Variants in SPEG observed in about 807,000 individuals in gnomAD.
The protein encoded by SPEG is striated muscle enriched protein kinase.
Under a neutral mutation model 300.4 loss-of-function variants are expected in SPEG, and 114 were observed. The observed-to-expected ratio is 0.38, with a 90% CI of 0.33 to 0.44. SPEG has a LOEUF of 0.44. SPEG is among the 20% of genes least tolerant of loss of function. SPEG has a pLI of 1.00. For missense variants in SPEG, 4,201 were observed against 4,586.2 expected, an observed-to-expected ratio of 0.92 and a Z score of 2.43; for synonymous variants, 1,964 against 2,018.9, an observed-to-expected ratio of 0.97 and a Z score of 0.73.
rs2125493994 is a variant in SPEG at position 219,473,259 on chromosome 2, A to T, written c.4147+163A>T. Reference sequence around the variant, plus strand: ...CTGTACACTTCCTTCTCCCTCCTGAAAGCAGCAGGGCACGGTGGCTGAAGC... The same window carrying T: ...CTGTACACTTCCTTCTCCCTCCTGATAGCAGCAGGGCACGGTGGCTGAAGC... On this transcript the variant is annotated intron_variant, in intron 16 of 40. Coordinates refer to ENST00000312358, the MANE Select transcript of SPEG (RefSeq NM_005876.5). The surrounding 1 kb of genome is among the most constrained non-coding windows in gnomAD (Gnocchi z 4.6). The T allele has an allele frequency of 2.5e-6, 2 of 786,150 alleles. No homozygotes were observed. The allele number at this position is 786,150 out of a possible 1,614,324, so 48.7% of individuals were successfully genotyped here.
chr2:219,468,794 G>C (rs955992122), intron 11 of SPEG, 58 bp downstream of exon 11: 3 of 1,608,934 alleles, frequency 1.9e-6, no homozygotes, highest in Non-Finnish European at 2.5e-6. Flanking sequence ...GCGGCGATGG[G>C]GTGCACCCAG....
Position 219,449,223 on chromosome 2 carries a change from C to T in SPEG, c.2065C>T (p.Arg689Cys), listed in dbSNP as rs538506677. The change falls in exon 4 of 41, where the codon CGC (arginine) becomes TGC (cysteine). Residue 689 changes from arginine to cysteine, a missense_variant. Physicochemically the swap from Arg to Cys is radical, Grantham distance 180. Around this residue, in one of 4 missense-constraint regions of SPEG, gnomAD observed 1,258 missense variants for 1,293.9 expected, o/e 0.97. Coordinates refer to ENST00000312358, the MANE Select transcript of SPEG (RefSeq NM_005876.5). The stretch of plus-strand genomic sequence containing the variant: ...GGGGCCCTGGGACCGCCGAGGGGCC[C>T]GCAGCCAGGGCAAAGGTCGCCGGGC... ...PWGPWDRRGA[R>C]SQGKGRRARP... The T allele has an allele frequency of 2.6e-4, 360 of 1,392,432 alleles. 6 individuals carry two copies. The South Asian group carries it at 5.4e-3, about 21-fold the overall frequency. 86.3% of individuals were successfully genotyped at this position (1,392,432 alleles called of 1,614,324 possible). A position where few individuals can be genotyped will look rare whatever the true frequency, so the allele number is the denominator to read the frequency against.
chr2:219,436,827 G>T (rs1954732298), intron 1 of SPEG, among the ~76,000 whole-genome samples: 1 of 152,240 alleles, frequency 6.6e-6, no homozygotes, highest in East Asian at 1.9e-4. Flanking sequence ...GCTGGGGAAG[G>T]TGTGGACTCC....
Position 219,489,650 on chromosome 2 carries a change from G to A in SPEG, c.8632G>A (p.Asp2878Asn). 6.2e-7 allele frequency: 1 copy of A among 1,613,964 alleles called. No individual in the cohort carries two copies. Among genetic ancestry groups the A allele is most frequent in the Non-Finnish European group, 8.5e-7 (1 of 1,180,012 alleles). The change falls in exon 36 of 41, where the codon GAC becomes AAC. Residue 2878 changes from aspartate (D) to asparagine (N), a missense_variant. Physicochemically the swap from Asp to Asn is conservative, Grantham distance 23 (BLOSUM62 1). Around this residue, in one of 4 missense-constraint regions of SPEG, gnomAD observed 1,578 missense variants for 1,506.0 expected, o/e 1.05. Transcript: ENST00000312358. ...TPSEPKPFVL[D>N]TGTPIPASTP... ...AAGTGAGCCCAAGCCTTTCGTCCTT[G>A]ACACTGGGACCCCGATCCCAGCCTC...
Position 219,443,350 on chromosome 2 carries a change from G to A in SPEG, c.389-1303G>A, listed in dbSNP as rs914904301. The stretch of plus-strand genomic sequence containing the variant: ...GAGAGGACCCAGCAGAAGGGAGGGC[G>A]GCTCACTAGCACACCCCTGCATGGA... On this transcript the variant is annotated intron_variant, in intron 1 of 40. Coordinates refer to ENST00000312358, the MANE Select transcript of SPEG (RefSeq NM_005876.5). The surrounding 1 kb of genome is among the most constrained non-coding windows in gnomAD (Gnocchi z 4.6). The A allele has an allele frequency of 2.2e-5, 14 of 649,846 alleles. No individual in the cohort carries two copies. The highest frequency in any genetic ancestry group is 3.4e-5 in the Non-Finnish European group (12 of 354,148). 40.3% of individuals were successfully genotyped at this position (649,846 alleles called of 1,614,324 possible).
chr2:219,448,160 G>A lies in SPEG; in HGVS notation c.1002G>A (p.Ser334=). ...CCCAGCCCGCGGCCACCCCCACGTCGCCCCACCGTCGCACTCAGGAGCCTG... is the reference window on the plus strand; with the variant it reads ...CCCAGCCCGCGGCCACCCCCACGTCACCCCACCGTCGCACTCAGGAGCCTG... ...PPAQPAATPT[S]PHRRTQEPVL... is the part of the protein sequence containing the mutation. The change falls in exon 4 of 41, where the codon TCG becomes TCA. Residue 334 remains serine (S), a synonymous_variant. Coordinates refer to ENST00000312358, the MANE Select transcript of SPEG (RefSeq NM_005876.5). The A allele has an allele frequency of 6.2e-7, 1 of 1,610,388 alleles. No homozygotes were observed. The highest frequency in any genetic ancestry group is 8.5e-7 in the Non-Finnish European group (1 of 1,178,640).
At position 219,489,835 on chromosome 2, in the gene SPEG, CAGCTCCCCTGGG is replaced by C; in HGVS notation, c.8821_8832del (p.Gly2943_Pro2946del). 1 of 1,613,466 alleles carries C rather than the reference CAGCTCCCCTGGG, an allele frequency of 6.2e-7. No homozygotes were observed. ...GCCTCAGCCCGGCCAAGGAGGTGGTCAGCTCCCCTGGGAGCAGTCCCCGAAGCTCTCCCAGGC... is the reference window on the plus strand; with the variant it reads ...GCCTCAGCCCGGCCAAGGAGGTGGTCAGCAGTCCCCGAAGCTCTCCCAGGC... On this transcript the variant is annotated inframe_deletion, in exon 36 of 41. Transcript: ENST00000312358.
Position 219,444,630 on chromosome 2 carries a change from C to T in SPEG, c.389-23C>T, listed in dbSNP as rs766026597. 1.2e-6 allele frequency: 2 copies of T among 1,600,172 alleles called. No individual in the cohort carries two copies. Among genetic ancestry groups the T allele is most frequent in the East Asian group, 4.5e-5 (2 of 44,766 alleles). On this transcript the variant is annotated intron_variant, in intron 1 of 40. Transcript: ENST00000312358. This position sits in a 1 kb window ranked among gnomAD's most constrained non-coding sequence, Gnocchi z 7.8. ...GAGGCAGAGGGAGGAGGGCCCTGCCCACACAGACCCCTTCTTCTCCAGACT... is the reference window on the plus strand; with the variant it reads ...GAGGCAGAGGGAGGAGGGCCCTGCCTACACAGACCCCTTCTTCTCCAGACT...
rs959380074 is a variant in SPEG at position 219,462,458 on chromosome 2, G to A, written c.2705+72G>A. On this transcript the variant is annotated intron_variant, in intron 8 of 40. Transcript: ENST00000312358. ...CCTGGCTCTGGGAGGTCTGGCTTTG[G>A]GTGGAAGGAAATGGAATCTTGGTGG... 2.2e-5 allele frequency: 28 copies of A among 1,296,080 alleles called. No homozygotes were observed. The African/African-American group carries it at 3.8e-4, about 18-fold the overall frequency. 80.3% of individuals were successfully genotyped at this position (1,296,080 alleles called of 1,614,324 possible).
At chr2:219,465,897 A>C (rs375062424) in intron 9 of SPEG, 1 of 633,540 alleles carries the variant, frequency 1.6e-6, no homozygotes, top group Non-Finnish European at 2.8e-6. Context: ...ATGTGTGCGT[A>C]TGGGTGTGTG....
At position 219,443,772 on chromosome 2, in the gene SPEG, G is replaced by A. The variant is rs1689086753; in HGVS notation, c.389-881G>A. 2.8e-6 allele frequency: 1 copy of A among 363,206 alleles called. No individual in the cohort carries two copies. The highest frequency in any genetic ancestry group is 3.5e-5 in the Admixed American group (1 of 28,758). 22.5% of individuals were successfully genotyped at this position (363,206 alleles called of 1,614,324 possible). On this transcript the variant is annotated intron_variant, in intron 1 of 40. Coordinates refer to ENST00000312358, the MANE Select transcript of SPEG (RefSeq NM_005876.5). The surrounding 1 kb of genome is among the most constrained non-coding windows in gnomAD (Gnocchi z 4.6). ...TGTGTGTGTGTGTGTGCATGTGTGT[G>A]TGTGGCCAGTGGCAGCACCAGTAAG... is the stretch of plus-strand genomic sequence containing the variant.
chr2:219,472,018 C>A (rs779807392), intron 14 of SPEG, 31 bp downstream of exon 14: 2 of 1,606,410 alleles, frequency 1.2e-6, no homozygotes, highest in East Asian at 2.2e-5. Flanking sequence ...GTCAGCTGCA[C>A]GCACAGCCTG....
chr2:219,467,473 C>T, intron 10 of SPEG, 39 bp downstream of exon 10: 1 of 1,571,304 alleles, frequency 6.4e-7, no homozygotes, highest in Non-Finnish European at 8.6e-7. Context: ...CGTGGGTGCC[C>T]AAGAGCTGGA....
Position 219,444,086 on chromosome 2 carries a change from C to A in SPEG, c.389-567C>A, listed in dbSNP as rs755722789. The A allele has an allele frequency of 7.4e-7, 1 of 1,356,820 alleles. No homozygotes were observed. Among genetic ancestry groups the A allele is most frequent in the Non-Finnish European group, 9.8e-7 (1 of 1,016,920 alleles). The allele number at this position is 1,356,820 out of a possible 1,614,324, so 84.0% of individuals were successfully genotyped here. ...TAGGAAACTGGCTCCTGCTCTAGCC[C>A]CCCGCATCCCCCCCTTTCCCACCCG... On this transcript the variant is annotated intron_variant, in intron 1 of 40. Transcript: ENST00000312358. This position sits in a 1 kb window ranked among gnomAD's most constrained non-coding sequence, Gnocchi z 7.8.
In SPEG at chr2:219,485,605, CAACTAT is replaced by C. The variant is rs1265034365; in HGVS notation, c.7741+132_7741+137del. 60 of 868,864 alleles carry C rather than the reference CAACTAT, an allele frequency of 6.9e-5. 1 individual carries two copies. The East Asian group carries it at 1.7e-3, about 25-fold the overall frequency. 53.8% of individuals were successfully genotyped at this position (868,864 alleles called of 1,614,324 possible). A position where few individuals can be genotyped will look rare whatever the true frequency, so the allele number is the denominator to read the frequency against. The stretch of plus-strand genomic sequence containing the variant: ...ACCTAGTGGAAGGGGTCTGCTCAGA[CAACTAT>C]AACAATAGCAGTAGCTGACATTCAT... On this transcript the variant is annotated intron_variant, in intron 31 of 40. Coordinates refer to ENST00000312358, the MANE Select transcript of SPEG (RefSeq NM_005876.5).
intron 3 of SPEG, among the ~76,000 whole-genome samples, chr2:219,447,217 G>T (rs928257173): frequency 7.3e-5 from 11 of 151,722 alleles, no homozygotes; most frequent in Non-Finnish European, 1.5e-4. Context: ...TCCCTGTGGG[G>T]GGGGGCCTTC....
chr2:219,481,658 C>T lies in SPEG; in HGVS notation c.5543C>T (p.Thr1848Ile), dbSNP rs1434770179. The change falls in exon 28 of 41, where the codon ACC (threonine) becomes ATC (isoleucine). Residue 1848 changes from threonine to isoleucine, a missense_variant. Around this residue, in one of 4 missense-constraint regions of SPEG, gnomAD observed 1,047 missense variants for 1,356.8 expected, o/e 0.77. Coordinates refer to ENST00000312358, the MANE Select transcript of SPEG (RefSeq NM_005876.5). The surrounding 1 kb of genome is among the most constrained non-coding windows in gnomAD (Gnocchi z 5.4). ...CACAGGAGACCTACCGCAGAAGAGA[C>T]CCTAGAACATCCTTGGTTCAAAGTG... Reference protein sequence around the residue: ...QDRLRPTAEETLEHPWFKTQA... With the variant: ...QDRLRPTAEEILEHPWFKTQA... 1 of 1,614,156 alleles carries T rather than the reference C, an allele frequency of 6.2e-7. No individual in the cohort carries two copies.
intron 30 of SPEG, 96 bp from the exon 31 acceptor site, chr2:219,485,250 A>C (rs1004245949): frequency 6.6e-6 from 10 of 1,516,210 alleles, no homozygotes; most frequent in Non-Finnish European, 8.0e-6. Flanking sequence ...TGGGTGGGCT[A>C]GGGGTTCCTT....
rs200230701 is a variant in SPEG, at chr2:219,461,971, T to A, written c.2530T>A (p.Trp844Arg). 12 of 1,613,534 alleles carry A rather than the reference T, an allele frequency of 7.4e-6. No individual in the cohort carries two copies. The African/African-American group carries it at 1.6e-4, about 22-fold the overall frequency. The change falls in exon 7 of 41, where the codon TGG becomes AGG. Residue 844 changes from tryptophan (W) to arginine (R), a missense_variant. Trp to Arg is a moderately radical substitution (Grantham distance 101). Coordinates refer to ENST00000312358, the MANE Select transcript of SPEG (RefSeq NM_005876.5). ...GGAGTTCCCAGAGCCTGGGGAGACC[T>A]GGCCGCGAACCCCCACCATGAAGCC... is the stretch of plus-strand genomic sequence containing the variant. ...PEEFPEPGET[W>R]PRTPTMKPSP...
Sources: allele counts gnomAD v4.1 joint callset (sites outside exome capture counted in the v4.1 genomes callset), GRCh38; gene constraint gnomAD v4.1.1; regional missense constraint gnomAD v4.1.1; non-coding constraint Gnocchi (gnomAD v3.1); transcripts MANE v1.5; gene names NCBI Gene and HGNC (gene_info 2026-07-23, HGNC 2026-07-21).